GHR: variants seen among roughly 807,000 people sequenced by gnomAD.
The protein encoded by GHR is growth hormone receptor, also known as GH receptor.
A neutral mutation model predicts 67.1 loss-of-function variants in GHR; 35 were observed. The ratio of observed to expected loss-of-function variants is 0.52; its 90% CI spans 0.40 to 0.69. The LOEUF (loss-of-function observed/expected upper bound fraction) is 0.69. Ranked by LOEUF, GHR falls within the 30% of genes least tolerant of loss-of-function variation. The probability of loss-of-function intolerance (pLI) is 0.00; values close to 1 mark genes in which losing one functional copy is unlikely to be tolerated. For missense variants in GHR, 792 were observed against 764.6 expected, an observed-to-expected ratio of 1.04 and a Z score of -0.42; for synonymous variants, 272 against 269.1, an observed-to-expected ratio of 1.01 and a Z score of -0.10.
At position 42,550,504 on chromosome 5, in the gene GHR, A is replaced by C. The variant is rs112477057; in HGVS notation, c.-11-15360A>C. On this transcript the variant is annotated intron_variant, in intron 1 of 9. Transcript: ENST00000230882. Reference sequence around the variant, plus strand: ...CAGCCAGAAGTACAGTTGTGTCTTAAGGAATCTAATCTAGTGAACATGGAA... The same window carrying C: ...CAGCCAGAAGTACAGTTGTGTCTTACGGAATCTAATCTAGTGAACATGGAA... Among the ~76,000 whole-genome samples the C allele has an allele frequency of 8.7e-3, 1,330 of 152,328 alleles. 18 individuals carry two copies. Among genetic ancestry groups the C allele is most frequent in the Middle Eastern group, 0.065 (19 of 294 alleles).
intron 1 of GHR, among the ~76,000 whole-genome samples, chr5:42,517,325 G>A (rs577760517): frequency 1.3e-5 from 2 of 152,228 alleles, no homozygotes; most frequent in East Asian, 3.9e-4. Flanking sequence ...ACTTTGAAAC[G>A]AAACAAGAGT....
At chr5:42,695,155 G>C (rs570760164) in intron 5 of GHR, 66 bp downstream of exon 5, 2 of 1,089,102 alleles carry the variant, frequency 1.8e-6, no homozygotes, top group Non-Finnish European at 2.8e-6. Context: ...AGCCTGCAAG[G>C]TCCAAGTATA....
chr5:42,660,694 A>AAC, intron 3 of GHR, among the ~76,000 whole-genome samples: 1 of 152,252 alleles, frequency 6.6e-6, no homozygotes, highest in African/African-American at 2.4e-5. Context: ...AACTCTGAAA[A>AAC]GCAGAGCACC....
At chr5:42,640,328 T>C (rs1377549571) in intron 3 of GHR, among the ~76,000 whole-genome samples, 2 of 152,094 alleles carry the variant, frequency 1.3e-5, no homozygotes, top group African/African-American at 4.8e-5. Context: ...CATCTCGAAA[T>C]GGAGATACTA....
At chr5:42,663,425 C>T (rs1755765869) in intron 3 of GHR, among the ~76,000 whole-genome samples, 1 of 152,170 alleles carries the variant, frequency 6.6e-6, no homozygotes, top group South Asian at 2.1e-4. Context: ...CCCTGGGATG[C>T]AAGGCTGGTT....
intron 3 of GHR, among the ~76,000 whole-genome samples, chr5:42,634,809 A>G (rs879312311): frequency 7.9e-5 from 12 of 152,144 alleles, no homozygotes; most frequent in African/African-American, 2.4e-5. Context: ...TTCAACTGCC[A>G]AGGGAATCAT....
chr5:42,534,979 A>C (rs1157129869), intron 1 of GHR, among the ~76,000 whole-genome samples: 1 of 151,488 alleles, frequency 6.6e-6, no homozygotes, highest in Non-Finnish European at 1.5e-5. Flanking sequence ...GAATTGCCTT[A>C]GCCCACTTTT....
intron 3 of GHR, among the ~76,000 whole-genome samples, chr5:42,638,889 T>C (rs2112781272): frequency 6.6e-6 from 1 of 152,264 alleles, no homozygotes; most frequent in South Asian, 2.1e-4. Context: ...ATAAAATTAT[T>C]ATGGTTATGT....
intron 2 of GHR, among the ~76,000 whole-genome samples, chr5:42,614,404 A>G (rs536561049): frequency 6.6e-6 from 1 of 152,078 alleles, no homozygotes; most frequent in South Asian, 2.1e-4. Context: ...TTTAAGGCAC[A>G]CATGAATCAC....
chr5:42,630,720 T>C (rs1753890508), intron 3 of GHR, among the ~76,000 whole-genome samples: 1 of 131,950 alleles, frequency 7.6e-6, no homozygotes. Context: ...ACTCAACAGA[T>C]GAGTTATGTG....
chr5:42,568,500 A>G (rs545194884), intron 2 of GHR, among the ~76,000 whole-genome samples: 2 of 152,336 alleles, frequency 1.3e-5, no homozygotes, highest in South Asian at 2.1e-4. Context: ...GATTGTATCA[A>G]AATTGCTGCT....
intron 3 of GHR, chr5:42,647,914 G>A: frequency 5.2e-6 from 1 of 192,252 alleles, no homozygotes. Flanking sequence ...AAGTAAGACA[G>A]CATTCTATAT....
At chr5:42,621,573 G>A (rs1753446475) in intron 2 of GHR, among the ~76,000 whole-genome samples, 1 of 152,078 alleles carries the variant, frequency 6.6e-6, no homozygotes, top group African/African-American at 2.4e-5. Context: ...GAGAAAAGAA[G>A]GTCTTTATCA....
At chr5:42,502,641 C>T (rs1579828014) in intron 1 of GHR, among the ~76,000 whole-genome samples, 1 of 152,012 alleles carries the variant, frequency 6.6e-6, no homozygotes, top group South Asian at 2.1e-4. Flanking sequence ...CTGTCATCTC[C>T]ATCTAGTTTA....
At chr5:42,466,520 A>G (rs926009989) in intron 1 of GHR, among the ~76,000 whole-genome samples, 6 of 152,246 alleles carry the variant, frequency 3.9e-5, no homozygotes, top group African/African-American at 1.4e-4. Context: ...CCAGGCAGAT[A>G]ACCTGCCTAT....
chr5:42,574,891 G>A (rs752820157), intron 2 of GHR, among the ~76,000 whole-genome samples: 1 of 152,052 alleles, frequency 6.6e-6, no homozygotes, highest in Non-Finnish European at 1.5e-5. Context: ...AGGGTAAAAG[G>A]AAAAGACTGA....
intron 1 of GHR, among the ~76,000 whole-genome samples, chr5:42,537,033 T>C (rs1561104916): frequency 6.6e-6 from 1 of 152,108 alleles, no homozygotes; most frequent in Non-Finnish European, 1.5e-5. Flanking sequence ...CTTAATGAGG[T>C]TATTTGGATT....
Position 42,719,611 on chromosome 5 carries a change from A to G in GHR, c.*187A>G. ...AAAAATAAGAAGAATGCTTAATCAG[A>G]TAGATATTCCTATTGTGCAATGTAA... On this transcript the variant is annotated 3_prime_UTR_variant, in exon 10 of 10. Transcript: ENST00000230882. 1 of 640,322 alleles carries G rather than the reference A, an allele frequency of 1.6e-6. No individual in the cohort carries two copies. The highest frequency in any genetic ancestry group is 2.8e-6 in the Non-Finnish European group (1 of 354,646). The allele number at this position is 640,322 out of a possible 1,614,324, so 39.7% of individuals were successfully genotyped here.
intron 1 of GHR, chr5:42,468,122 G>T: frequency 1.6e-6 from 2 of 1,233,036 alleles, no homozygotes; most frequent in Non-Finnish European, 2.4e-6. Flanking sequence ...AAGGTTCTTG[G>T]TTTCAGCACC....
Sources: allele counts gnomAD v4.1 joint callset (sites outside exome capture counted in the v4.1 genomes callset), GRCh38; gene constraint gnomAD v4.1.1; transcripts MANE v1.5; gene names NCBI Gene and HGNC (gene_info 2026-07-23, HGNC 2026-07-21).